The following ZNF346 variants were observed in gnomAD, a reference collection of about 807,000 sequenced individuals.
ZNF346 encodes the protein double-stranded RNA-binding zinc finger protein JAZ.
A neutral mutation model predicts 33.7 loss-of-function variants in ZNF346; 23 were observed. The ratio of observed to expected loss-of-function variants is 0.68; its 90% CI spans 0.49 to 0.97. The LOEUF (loss-of-function observed/expected upper bound fraction) is 0.97, where lower values mean the gene tolerates loss of function less well. ZNF346 is among the 50% of genes least tolerant of loss of function. ZNF346 has a pLI of 0.00. For missense variants in ZNF346, 340 were observed against 371.1 expected, an observed-to-expected ratio of 0.92 and a Z score of 0.69; for synonymous variants, 134 against 142.4, an observed-to-expected ratio of 0.94 and a Z score of 0.42.
At chr5:177,032,584 A>G (rs111523564) in intron 1 of ZNF346, among the ~76,000 whole-genome samples, 1 of 151,792 alleles carries the variant, frequency 6.6e-6, no homozygotes, top group Non-Finnish European at 1.5e-5. Flanking sequence ...TAATTTTTGC[A>G]CTTTTTAATA....
intron 4 of ZNF346, among the ~76,000 whole-genome samples, chr5:177,046,209 G>A (rs1057050758): frequency 6.6e-6 from 1 of 150,488 alleles, no homozygotes; most frequent in Admixed American, 6.7e-5. Flanking sequence ...ACTGAGGCAA[G>A]AGAATCGCTT....
At chr5:177,025,268 C>A (rs919589256) in intron 1 of ZNF346, among the ~76,000 whole-genome samples, 4 of 152,160 alleles carry the variant, frequency 2.6e-5, no homozygotes, top group African/African-American at 9.7e-5. Context: ...AAATAGAATT[C>A]CATTGAATGA....
exon 9 of ZNF346, chr5:177,080,824 C>T (rs1175367815): frequency 6.6e-6 from 1 of 152,230 alleles, no homozygotes; most frequent in Non-Finnish European, 1.5e-5. Flanking sequence ...AAACCCAGAT[C>T]TGTCCGACTC....
Position 177,055,894 on chromosome 5 carries a change from G to A in ZNF346, c.703+4958G>A, listed in dbSNP as rs140950709. ...AGCTGGAGACCAGTCTGACCAACAA[G>A]GAGAAACCCCGTCTCTATTAAAAAT... On this transcript the variant is annotated intron_variant, in intron 5 of 6. Coordinates refer to ENST00000358149, the MANE Select transcript of ZNF346 (RefSeq NM_012279.4). Among the ~76,000 whole-genome samples the A allele has an allele frequency of 5.1e-3, 781 of 152,086 alleles. 10 individuals carry two copies. The highest frequency in any genetic ancestry group is 0.015 in the African/African-American group (643 of 41,486).
At position 177,077,369 on chromosome 5, in the gene ZNF346, AT is replaced by A. The variant is rs1783800144; in HGVS notation, c.*3-2011del. The stretch of plus-strand genomic sequence containing the variant: ...ATTTATAAAGGGTTTAAGAAAAAGG[AT>A]TAGCCGAAGAAAAAATTATTTGGTT... On this transcript the variant is annotated intron_variant, in intron 8 of 8. Transcript: ENST00000503039. The surrounding 1 kb of genome is among the most constrained non-coding windows in gnomAD (Gnocchi z 5.0). Among the ~76,000 whole-genome samples, 1 of 152,228 alleles carries A rather than the reference AT, an allele frequency of 6.6e-6. No individual in the cohort carries two copies. The highest frequency in any genetic ancestry group is 1.5e-5 in the Non-Finnish European group (1 of 68,040).
chr5:177,031,853 C>A (rs1468017094), intron 1 of ZNF346, among the ~76,000 whole-genome samples: 2 of 152,080 alleles, frequency 1.3e-5, no homozygotes, highest in Non-Finnish European at 2.9e-5. Flanking sequence ...TTCACTGATT[C>A]TTCTGCCATT....
chr5:177,073,271 G>C (rs1658512342), intron 8 of ZNF346, among the ~76,000 whole-genome samples: 1 of 152,146 alleles, frequency 6.6e-6, no homozygotes, highest in African/African-American at 2.4e-5. Flanking sequence ...TGGTCTGGTA[G>C]GGACCATTGC....
chr5:177,029,109 T>A (rs1777310459), intron 1 of ZNF346, among the ~76,000 whole-genome samples: 1 of 152,138 alleles, frequency 6.6e-6, no homozygotes, highest in Non-Finnish European at 1.5e-5. Flanking sequence ...GGTTGGCTGG[T>A]TGCCATAGGA....
intron 5 of ZNF346, 148 bp downstream of exon 5, chr5:177,051,084 A>G (rs1780798333): frequency 1.6e-6 from 1 of 625,164 alleles, no homozygotes; most frequent in African/African-American, 1.8e-5. Flanking sequence ...GAGAAATTAA[A>G]ATGAGAGCCA....
At chr5:177,031,691 C>G in intron 1 of ZNF346, among the ~76,000 whole-genome samples, 1 of 151,890 alleles carries the variant, frequency 6.6e-6, no homozygotes, top group East Asian at 1.9e-4. Context: ...TTTTTCTACT[C>G]TCTCTCTCTT....
chr5:177,051,021 C>A, intron 5 of ZNF346, 85 bp downstream of exon 5: 1 of 1,074,896 alleles, frequency 9.3e-7, no homozygotes, highest in African/African-American at 1.6e-5. Context: ...TGCTTTTCCT[C>A]CTTAGGTCTT....
intron 5 of ZNF346, among the ~76,000 whole-genome samples, chr5:177,055,753 C>A (rs1305939602): frequency 1.3e-5 from 2 of 151,976 alleles, no homozygotes; most frequent in Admixed American, 1.3e-4. Flanking sequence ...CCAGCCTGGC[C>A]AAGATGGCAA....
intron 5 of ZNF346, among the ~76,000 whole-genome samples, chr5:177,053,542 T>C (rs750245468): frequency 3.9e-5 from 6 of 152,152 alleles, no homozygotes; most frequent in Non-Finnish European, 5.9e-5. Flanking sequence ...TTCCTTAAAG[T>C]TGACTGGACC....
intron 4 of ZNF346, among the ~76,000 whole-genome samples, chr5:177,045,591 C>T (rs1481669290): frequency 1.3e-5 from 2 of 152,070 alleles, no homozygotes; most frequent in East Asian, 1.9e-4. Context: ...CTCCTGACCT[C>T]GTGATCCACC....
At chr5:177,038,910 GT>G (rs1778968275) in intron 1 of ZNF346, among the ~76,000 whole-genome samples, 1 of 142,770 alleles carries the variant, frequency 7.0e-6, no homozygotes, top group Non-Finnish European at 1.5e-5. Flanking sequence ...GTGTGTGTGT[GT>G]GTGTCCGAGT....
At chr5:177,030,525 T>C (rs940159937) in intron 1 of ZNF346, among the ~76,000 whole-genome samples, 17 of 151,828 alleles carry the variant, frequency 1.1e-4, no homozygotes, top group Admixed American at 1.0e-3. Flanking sequence ...GCCAGGATGG[T>C]CTCGATTTCC....
chr5:177,056,080 A>G, intron 5 of ZNF346, among the ~76,000 whole-genome samples: 1 of 151,282 alleles, frequency 6.6e-6, no homozygotes, highest in East Asian at 1.9e-4. Context: ...CGTCTCAAAA[A>G]AAAAAAAAAA....
intron 6 of ZNF346, among the ~76,000 whole-genome samples, chr5:177,063,213 C>T (rs1018366881): frequency 6.6e-6 from 1 of 152,168 alleles, no homozygotes; most frequent in African/African-American, 2.4e-5. Context: ...GCATAACCTT[C>T]TGAGATAGGT....
At chr5:177,034,044 G>A (rs1335636085) in intron 1 of ZNF346, among the ~76,000 whole-genome samples, 1 of 151,710 alleles carries the variant, frequency 6.6e-6, no homozygotes, top group Non-Finnish European at 1.5e-5. Flanking sequence ...ACCATACCCA[G>A]CTAATTTTTT....
Sources: gnomAD v4.1 joint callset for allele counts (sites outside exome capture counted in the v4.1 genomes callset) on GRCh38, gnomAD v4.1.1 for gene constraint, Gnocchi (gnomAD v3.1) non-coding constraint, MANE v1.5 for transcripts, NCBI Gene and HGNC (gene_info 2026-07-23, HGNC 2026-07-21) for gene names.